Variants in ATG7 observed in about 807,000 individuals in gnomAD.
ATG7 encodes autophagy related 7, also known as ubiquitin-like modifier-activating enzyme ATG7.
ATG7 carries 70 observed loss-of-function variants against 82.4 expected under a neutral mutation model. That is an observed-to-expected ratio of 0.85 (90% CI 0.70 to 1.04). The LOEUF (loss-of-function observed/expected upper bound fraction) is 1.04. ATG7 is among the 50% of genes least tolerant of loss of function. The probability of loss-of-function intolerance (pLI) is 0.00; values close to 1 mark genes in which losing one functional copy is unlikely to be tolerated. For missense variants in ATG7, 792 were observed against 864.3 expected, an observed-to-expected ratio of 0.92 and a Z score of 1.05; for synonymous variants, 287 against 313.0, an observed-to-expected ratio of 0.92 and a Z score of 0.88.
intron 20 of ATG7, among the ~76,000 whole-genome samples, chr3:11,524,305 C>G (rs916707607): frequency 8.5e-5 from 13 of 152,216 alleles, no homozygotes; most frequent in African/African-American, 3.1e-4. Flanking sequence ...CTTGTCCCCA[C>G]TGGGAAACTG....
chr3:11,513,012 C>T (rs1414481451), intron 20 of ATG7, among the ~76,000 whole-genome samples: 1 of 152,204 alleles, frequency 6.6e-6, no homozygotes. Flanking sequence ...TAGCTAGATA[C>T]AGAGTGTCAA....
At chr3:11,461,870 CA>C (rs569976829) in intron 20 of ATG7, among the ~76,000 whole-genome samples, 32 of 147,944 alleles carry the variant, frequency 2.2e-4, no homozygotes, top group Admixed American at 1.4e-3. Flanking sequence ...ACTAAAAATA[CA>C]AAAAAAAAAT....
At chr3:11,576,073 A>C in the ATG7 span, among the ~76,000 whole-genome samples, 1 of 152,216 alleles carries the variant, frequency 6.6e-6, no homozygotes, top group African/African-American at 2.4e-5. Context: ...TTTAAGAAAA[A>C]CTGATGTTTG....
In ATG7 at chr3:11,330,190, C is replaced by T. The variant is rs555734115; in HGVS notation, c.679-1150C>T. On this transcript the variant is annotated intron_variant, in intron 9 of 20. Coordinates refer to ENST00000693202, the MANE Select transcript of ATG7 (RefSeq NM_001349232.2). ...AGGTAATATTTGCCAGGTTTCTCCA[C>T]TGTAAAAATACTATTTTTTCTTTGA... Among the ~76,000 whole-genome samples, 145 of 152,288 alleles carry T rather than the reference C, an allele frequency of 9.5e-4. 2 individuals are homozygous for T. Among genetic ancestry groups the T allele is most frequent in the South Asian group, 2.1e-3 (10 of 4,822 alleles).
chr3:11,443,018 A>G (rs2084153394), intron 20 of ATG7, among the ~76,000 whole-genome samples: 1 of 152,228 alleles, frequency 6.6e-6, no homozygotes, highest in African/African-American at 2.4e-5. Context: ...TAAAAACTTC[A>G]TAGTGTGAAA....
chr3:11,425,742 A>G (rs1382422094), intron 19 of ATG7, among the ~76,000 whole-genome samples: 1 of 152,156 alleles, frequency 6.6e-6, no homozygotes, highest in Non-Finnish European at 1.5e-5. Context: ...CAAGAAGTAC[A>G]CCTTATGTAA....
chr3:11,512,534 G>C (rs918096663), intron 20 of ATG7, among the ~76,000 whole-genome samples: 6 of 152,214 alleles, frequency 3.9e-5, no homozygotes, highest in African/African-American at 1.4e-4. Context: ...TGGTCTCACT[G>C]ACTTCAAGAA....
At chr3:11,477,428 C>A in intron 20 of ATG7, 1 of 573,780 alleles carries the variant, frequency 1.7e-6, no homozygotes, top group Non-Finnish European at 2.3e-6. Flanking sequence ...TTCTTTTAAA[C>A]ACAAGCATCA....
At chr3:11,319,489 C>T (rs1480310587) in intron 9 of ATG7, among the ~76,000 whole-genome samples, 2 of 152,214 alleles carry the variant, frequency 1.3e-5, no homozygotes, top group African/African-American at 4.8e-5. Flanking sequence ...CTCTGAGTTT[C>T]TCTCTTCAAC....
chr3:11,541,180 G>C (rs113148742), intron 20 of ATG7, among the ~76,000 whole-genome samples: 1 of 152,204 alleles, frequency 6.6e-6, no homozygotes, highest in Non-Finnish European at 1.5e-5. Flanking sequence ...GATTACAGGC[G>C]TGAGCCATCG....
chr3:11,454,980 A>G (rs1485279228), intron 20 of ATG7, among the ~76,000 whole-genome samples: 1 of 152,244 alleles, frequency 6.6e-6, no homozygotes, highest in African/African-American at 2.4e-5. Context: ...ACTAGATAGC[A>G]TAACATATGG....
rs574663654 is a variant in ATG7, at chr3:11,535,650, G to A, written c.2080-19161G>A. On this transcript the variant is annotated intron_variant, in intron 20 of 20. Coordinates refer to ENST00000693202, the MANE Select transcript of ATG7 (RefSeq NM_001349232.2). ...ATGATTGACAGATGAGGCACACAGGGTCCCTCTGAGGAGGGCTCGGCCCTC... is the reference window on the plus strand; with the variant it reads ...ATGATTGACAGATGAGGCACACAGGATCCCTCTGAGGAGGGCTCGGCCCTC... Among the ~76,000 whole-genome samples, 178 of 152,230 alleles carry A rather than the reference G, an allele frequency of 1.2e-3. 1 individual carries two copies. The highest frequency in any genetic ancestry group is 1.9e-3 in the Non-Finnish European group (127 of 68,008).
chr3:11,330,910 C>G (rs1242934954), intron 9 of ATG7, among the ~76,000 whole-genome samples: 1 of 152,180 alleles, frequency 6.6e-6, no homozygotes, highest in Non-Finnish European at 1.5e-5. Context: ...CTTGATCTGA[C>G]TGTACACTTA....
At chr3:11,541,122 G>C (rs568642621) in intron 20 of ATG7, among the ~76,000 whole-genome samples, 10 of 152,086 alleles carry the variant, frequency 6.6e-5, no homozygotes, top group South Asian at 2.1e-4. Context: ...GGATGGTCTC[G>C]ATCTCCTGAC....
Position 11,339,295 on chromosome 3 carries a change from CAAAAA to C in ATG7, c.890-1336_890-1332del, listed in dbSNP as rs1036935586. Among the ~76,000 whole-genome samples, 153 of 89,696 alleles carry C rather than the reference CAAAAA, an allele frequency of 1.7e-3. 1 individual carries two copies. The highest frequency in any genetic ancestry group is 2.7e-3 in the Non-Finnish European group (117 of 43,412). The allele number at this position is 89,696 out of a possible 152,430, so 58.8% of individuals were successfully genotyped here. ...TGGGCGACAGAGCGAGACTCTGTTTCAAAAAAAAAAAAAAAAAAGAAAAGAAAAGA... is the reference window on the plus strand; with the variant it reads ...TGGGCGACAGAGCGAGACTCTGTTTCAAAAAAAAAAAAAGAAAAGAAAAGA... On this transcript the variant is annotated intron_variant, in intron 11 of 20. Coordinates refer to ENST00000693202, the MANE Select transcript of ATG7 (RefSeq NM_001349232.2).
chr3:11,528,696 C>T (rs1332670674), intron 20 of ATG7, among the ~76,000 whole-genome samples: 6 of 151,496 alleles, frequency 4.0e-5, no homozygotes, highest in Non-Finnish European at 7.4e-5. Context: ...CATGGTGGTG[C>T]GCACCTGTAG....
intron 20 of ATG7, among the ~76,000 whole-genome samples, chr3:11,480,094 A>AT (rs796687332): frequency 1.3e-3 from 201 of 149,516 alleles, no homozygotes; most frequent in Middle Eastern, 6.9e-3. Flanking sequence ...TGCTCAGCTA[A>AT]TTTTTTTTTT....
rs10628540 is a variant in ATG7, at chr3:11,469,988, C to CAAAAAAA, written c.2079+43077_2079+43083dup. Reference sequence around the variant, plus strand: ...TGGGTGACGGAACGAGACTCCATCTCAAAAAAAAAAAAAAAAAAAAAGAGA... The same window carrying CAAAAAAA: ...TGGGTGACGGAACGAGACTCCATCTCAAAAAAAAAAAAAAAAAAAAAAAAAAAAGAGA... On this transcript the variant is annotated intron_variant, in intron 20 of 20. Transcript: ENST00000693202. Among the ~76,000 whole-genome samples, 263 of 87,294 alleles carry CAAAAAAA rather than the reference C, an allele frequency of 3.0e-3. 7 individuals carry two copies. The highest frequency in any genetic ancestry group is 4.0e-3 in the African/African-American group (84 of 20,890). 57.3% of individuals were successfully genotyped at this position (87,294 alleles called of 152,430 possible).
At position 11,555,590 on chromosome 3, in the gene ATG7, G is replaced by A. The variant is rs1284425182; in HGVS notation, c.*747G>A. ...AGATCCTGGCAGCTGCCTGGATGGG[G>A]CTCCTCCCTGCCCTTATGAGCAGGC... On this transcript the variant is annotated 3_prime_UTR_variant, in exon 21 of 21. Coordinates refer to ENST00000693202, the MANE Select transcript of ATG7 (RefSeq NM_001349232.2). 1 of 152,310 alleles carries A rather than the reference G, an allele frequency of 6.6e-6. No individual in the cohort carries two copies. The highest frequency in any genetic ancestry group is 1.5e-5 in the Non-Finnish European group (1 of 68,228). 9.4% of individuals were successfully genotyped at this position (152,310 alleles called of 1,614,324 possible).
Sources: gnomAD v4.1 joint callset for allele counts (sites outside exome capture counted in the v4.1 genomes callset) on GRCh38, gnomAD v4.1.1 for gene constraint, MANE v1.5 for transcripts, NCBI Gene and HGNC (gene_info 2026-07-23, HGNC 2026-07-21) for gene names.